Variants in FAM110B observed in about 807,000 individuals in gnomAD.
The protein encoded by FAM110B is protein FAM110B.
Under a neutral mutation model 20.4 loss-of-function variants are expected in FAM110B, and 6 were observed. That is an observed-to-expected ratio of 0.29 (90% confidence interval 0.16 to 0.58). FAM110B has a LOEUF of 0.58. Among genes scored for constraint, FAM110B ranks in the 20% least tolerant of loss-of-function variants. FAM110B has a pLI of 0.90. For synonymous variants in FAM110B, 226 were observed against 214.1 expected, an observed-to-expected ratio of 1.06 and a Z score of -0.49; for missense variants, 434 against 498.2, an observed-to-expected ratio of 0.87 and a Z score of 1.23.
At chr8:58,082,146 A>G (rs1161222877) in intron 3 of FAM110B, among the ~76,000 whole-genome samples, 4 of 152,166 alleles carry the variant, frequency 2.6e-5, no homozygotes, top group Non-Finnish European at 5.9e-5. Flanking sequence ...GCGCTATTCT[A>G]TGGACTGATT....
chr8:58,103,334 C>T (rs1203040169), intron 3 of FAM110B, among the ~76,000 whole-genome samples: 1 of 147,502 alleles, frequency 6.8e-6, no homozygotes, highest in Admixed American at 6.8e-5. Flanking sequence ...CCCTCCACCC[C>T]ACAACAGTCC....
At chr8:58,066,436 G>A (rs1198520588) in intron 2 of FAM110B, among the ~76,000 whole-genome samples, 1 of 152,186 alleles carries the variant, frequency 6.6e-6, no homozygotes, top group African/African-American at 2.4e-5. Context: ...GGCCAGGGCT[G>A]CTGCCCATGG....
At chr8:58,020,394 A>G (rs540917226) in intron 1 of FAM110B, among the ~76,000 whole-genome samples, 2 of 152,230 alleles carry the variant, frequency 1.3e-5, no homozygotes, top group Admixed American at 1.3e-4. Context: ...ATTGTATTCC[A>G]GGTGTACACA....
At chr8:58,052,505 A>G (rs950433777) in intron 2 of FAM110B, among the ~76,000 whole-genome samples, 6 of 152,130 alleles carry the variant, frequency 3.9e-5, no homozygotes, top group Admixed American at 1.3e-4. Flanking sequence ...CAGACTGGGG[A>G]TATAGCAGGA....
chr8:58,020,850 C>T (rs896579295), intron 1 of FAM110B, among the ~76,000 whole-genome samples: 10 of 152,156 alleles, frequency 6.6e-5, no homozygotes, highest in Non-Finnish European at 1.5e-4. Flanking sequence ...GCTTGTCTTT[C>T]TCTCCTTATT....
chr8:58,075,275 T>G (rs35100208), intron 2 of FAM110B, among the ~76,000 whole-genome samples: 36,746 of 141,542 alleles, frequency 0.26, 6,270 homozygotes, highest in African/African-American at 0.49. Context: ...TTTTTTTTTT[T>G]TGTGTGTGTG....
intron 3 of FAM110B, among the ~76,000 whole-genome samples, chr8:58,133,924 A>G (rs75886245): frequency 1.3e-5 from 2 of 152,304 alleles, no homozygotes; most frequent in South Asian, 2.1e-4. Flanking sequence ...TGTCACTTGA[A>G]CCCAAAAATA....
intron 2 of FAM110B, among the ~76,000 whole-genome samples, chr8:58,060,593 A>G (rs750987860): frequency 2.6e-5 from 4 of 152,116 alleles, no homozygotes; most frequent in Non-Finnish European, 5.9e-5. Context: ...GCTCCCTAAC[A>G]TCTTCCCCAG....
chr8:58,144,101 A>G (rs1415403339), intron 3 of FAM110B, among the ~76,000 whole-genome samples: 1 of 152,170 alleles, frequency 6.6e-6, no homozygotes, highest in Admixed American at 6.6e-5. Context: ...ACTGCCCACT[A>G]GGTGGTATTC....
intron 3 of FAM110B, among the ~76,000 whole-genome samples, chr8:58,093,119 G>C (rs566415109): frequency 6.6e-6 from 1 of 150,882 alleles, no homozygotes; most frequent in South Asian, 2.2e-4. Context: ...TTGTAAATTT[G>C]TTTAAGTTCC....
At chr8:58,030,891 C>A (rs565137182) in intron 1 of FAM110B, among the ~76,000 whole-genome samples, 1 of 152,316 alleles carries the variant, frequency 6.6e-6, no homozygotes, top group East Asian at 1.9e-4. Flanking sequence ...GCAGCGAAAG[C>A]AGAACATGTC....
At chr8:58,089,094 C>T (rs1806409378) in intron 3 of FAM110B, among the ~76,000 whole-genome samples, 1 of 152,196 alleles carries the variant, frequency 6.6e-6, no homozygotes. Context: ...TTTTATTTCA[C>T]ATCAACTCTA....
chr8:58,016,061 A>G (rs1164234724), intron 1 of FAM110B, among the ~76,000 whole-genome samples: 1 of 152,172 alleles, frequency 6.6e-6, no homozygotes, highest in Non-Finnish European at 1.5e-5. Flanking sequence ...AAACAAAGCT[A>G]TGTAGAGTAT....
chr8:58,116,737 C>T (rs148561776), intron 3 of FAM110B, among the ~76,000 whole-genome samples: 4 of 151,944 alleles, frequency 2.6e-5, no homozygotes, highest in Non-Finnish European at 4.4e-5. Context: ...TGATAGTAAA[C>T]CAAGAGATTA....
At chr8:58,028,731 G>C (rs945742765) in intron 1 of FAM110B, among the ~76,000 whole-genome samples, 4 of 152,202 alleles carry the variant, frequency 2.6e-5, no homozygotes, top group African/African-American at 9.7e-5. Flanking sequence ...CCATGTGTGT[G>C]CATGTGTGCT....
At chr8:58,105,185 A>G (rs1481034059) in intron 3 of FAM110B, among the ~76,000 whole-genome samples, 2 of 151,988 alleles carry the variant, frequency 1.3e-5, no homozygotes, top group East Asian at 1.9e-4. Context: ...CATGTTACCT[A>G]AGGTTTGAGA....
At chr8:58,097,412 T>G (rs751535413) in intron 3 of FAM110B, among the ~76,000 whole-genome samples, 25 of 152,228 alleles carry the variant, frequency 1.6e-4, no homozygotes, top group Non-Finnish European at 2.9e-4. Context: ...TATATTCTTC[T>G]CTAAACTGGT....
intron 3 of FAM110B, among the ~76,000 whole-genome samples, chr8:58,105,232 C>G (rs1166006786): frequency 6.6e-6 from 1 of 152,164 alleles, no homozygotes; most frequent in Non-Finnish European, 1.5e-5. Context: ...GGTTTCATCA[C>G]AGCTCTACCA....
intron 3 of FAM110B, among the ~76,000 whole-genome samples, chr8:58,079,954 G>GTTAT (rs1806148647): frequency 6.6e-6 from 1 of 152,200 alleles, no homozygotes; most frequent in Non-Finnish European, 1.5e-5. Flanking sequence ...ATGGGCTACA[G>GTTAT]TTATGACCAT....
Sources: allele counts gnomAD v4.1 joint callset (sites outside exome capture counted in the v4.1 genomes callset), GRCh38; gene constraint gnomAD v4.1.1; transcripts MANE v1.5; gene names NCBI Gene and HGNC (gene_info 2026-07-23, HGNC 2026-07-21).